CASK: variants seen among roughly 807,000 people sequenced by gnomAD.
CASK encodes calcium/calmodulin dependent serine protein kinase.
A neutral mutation model predicts 82.9 loss-of-function variants in CASK; 4 were observed. That is an observed-to-expected ratio of 0.05 (90% CI 0.02 to 0.11). The LOEUF (loss-of-function observed/expected upper bound fraction) is 0.11, where lower values mean the gene tolerates loss of function less well. Ranked by LOEUF, CASK falls within the 10% of genes least tolerant of loss-of-function variation. The pLI, the probability that CASK is intolerant of heterozygous loss-of-function variation, is 1.00. For missense variants in CASK, 358 were observed against 720.9 expected (o/e 0.50, Z 5.76); for synonymous variants, 259 against 253.5 (o/e 1.02, Z -0.20).
At chrX:41,606,844 C>T (rs1377400469) in intron 12 of CASK, among the ~76,000 whole-genome samples, 1 of 110,280 alleles carries the variant, frequency 9.1e-6, no homozygotes, top group Non-Finnish European at 1.9e-5. Context: ...AGGCATACAC[C>T]ACCATGCCCA....
chrX:41,620,390 C>T (rs2147314722), intron 11 of CASK, among the ~76,000 whole-genome samples: 1 of 111,928 alleles, frequency 8.9e-6, no homozygotes, highest in Admixed American at 9.5e-5. Flanking sequence ...CATCACTGAG[C>T]AAATCTAGAA....
intron 12 of CASK, among the ~76,000 whole-genome samples, chrX:41,607,586 A>G (rs2065979973): frequency 8.9e-6 from 1 of 112,365 alleles, no homozygotes; most frequent in African/African-American, 3.2e-5. Flanking sequence ...GATACTACTT[A>G]AGATAAATTA....
chrX:41,565,776 CA>C (rs1486513904), intron 16 of CASK, among the ~76,000 whole-genome samples: 2 of 111,278 alleles, frequency 1.8e-5, no homozygotes, highest in East Asian at 5.6e-4. Context: ...GGCAGAGACA[CA>C]ACAAAAAAAC....
intron 1 of CASK, among the ~76,000 whole-genome samples, chrX:41,903,920 T>C (rs1569480413): frequency 8.9e-6 from 1 of 112,191 alleles, no homozygotes; most frequent in Non-Finnish European, 1.9e-5. Flanking sequence ...TTTTTAAGTA[T>C]ACAATCTGGT....
intron 1 of CASK, among the ~76,000 whole-genome samples, chrX:41,908,910 T>C (rs1179127401): frequency 8.9e-6 from 1 of 112,085 alleles, no homozygotes; most frequent in Non-Finnish European, 1.9e-5. Context: ...CTCTGCCCCA[T>C]AGCATAAAAG....
intron 9 of CASK, among the ~76,000 whole-genome samples, chrX:41,627,010 T>A (rs2066389619): frequency 2.7e-5 from 3 of 112,059 alleles, no homozygotes; most frequent in Non-Finnish European, 5.6e-5. Context: ...GGGTGTTTAG[T>A]GGAATGAAAA....
chrX:41,790,674 A>G (rs1257284124), intron 2 of CASK, among the ~76,000 whole-genome samples: 1 of 112,138 alleles, frequency 8.9e-6, no homozygotes, highest in Non-Finnish European at 1.9e-5. Flanking sequence ...GAAACTAGCA[A>G]CATAAAAATA....
intron 2 of CASK, among the ~76,000 whole-genome samples, chrX:41,835,065 A>G (rs2070903261): frequency 8.9e-6 from 1 of 112,233 alleles, no homozygotes; most frequent in East Asian, 2.8e-4. Context: ...ACAGCTTCCT[A>G]AGGAATTCTC....
intron 1 of CASK, among the ~76,000 whole-genome samples, chrX:41,861,137 C>A (rs2071468231): frequency 8.9e-6 from 1 of 111,974 alleles, no homozygotes; most frequent in African/African-American, 3.2e-5. Context: ...CTGAGTCTAA[C>A]TATAATACAC....
intron 1 of CASK, among the ~76,000 whole-genome samples, chrX:41,865,284 C>G (rs897249780): frequency 1.8e-5 from 2 of 111,840 alleles, no homozygotes; most frequent in Admixed American, 9.5e-5. Context: ...ACTGAGCTTT[C>G]TAATCTCTCC....
Position 41,541,486 on chromosome X carries a change from G to A in CASK, c.2155+1205C>T, listed in dbSNP as rs149098800. ...AAAGCCATTATGAAACTACTGCTCT[G>A]TAGTAGTACATAACCAGAAATTACA... On this transcript the variant is annotated intron_variant, in intron 22 of 26. Coordinates refer to ENST00000378163, the MANE Select transcript of CASK (RefSeq NM_001367721.1). 4.5e-3 allele frequency among the ~76,000 whole-genome samples: 507 copies of A among 112,444 alleles called. 4 individuals are homozygous for A. Among genetic ancestry groups the A allele is most frequent in the African/African-American group, 0.016 (486 of 30,963 alleles).
chrX:41,909,793 G>C lies in CASK; in HGVS notation c.59+13137C>G, dbSNP rs755091740. ...CTAATTTTATGACATTTTTAGTAGA[G>C]ACGAGGTTTCACCATGTTGCCTGGG... On this transcript the variant is annotated intron_variant, in intron 1 of 26. Transcript: ENST00000378163. Among the ~76,000 whole-genome samples, 3 of 111,648 alleles carry C rather than the reference G, an allele frequency of 2.7e-5. No individual in the cohort carries two copies. The East Asian group carries it at 8.6e-4, about 32-fold the overall frequency.
intron 5 of CASK, among the ~76,000 whole-genome samples, chrX:41,694,961 G>A (rs1379522381): frequency 8.9e-6 from 1 of 111,954 alleles, no homozygotes; most frequent in East Asian, 2.8e-4. Context: ...TTCTGAAGCT[G>A]GGCAGGGCCA....
chrX:41,566,450 TAGAG>T (rs771618705), intron 16 of CASK, among the ~76,000 whole-genome samples: 3 of 109,803 alleles, frequency 2.7e-5, no homozygotes, highest in Non-Finnish European at 3.8e-5. Context: ...AACAGACAAA[TAGAG>T]AGCCAAATCA....
chrX:41,611,846 G>A (rs2066059486), intron 11 of CASK, among the ~76,000 whole-genome samples: 1 of 110,703 alleles, frequency 9.0e-6, no homozygotes. Flanking sequence ...TTGCAGGCGC[G>A]CGCCGCCACG....
intron 2 of CASK, among the ~76,000 whole-genome samples, chrX:41,812,129 G>A (rs200470290): frequency 7.2e-5 from 8 of 111,708 alleles, no homozygotes; most frequent in South Asian, 7.5e-4. Context: ...TCCAGGACCC[G>A]ACAGATTCAC....
At chrX:41,720,619 T>A in intron 5 of CASK, among the ~76,000 whole-genome samples, 1 of 112,077 alleles carries the variant, frequency 8.9e-6, no homozygotes, top group Non-Finnish European at 1.9e-5. Context: ...GCAGCCAGTT[T>A]AAACACTAGT....
At chrX:41,684,782 G>A (rs1236783519) in intron 5 of CASK, among the ~76,000 whole-genome samples, 2 of 111,976 alleles carry the variant, frequency 1.8e-5, no homozygotes, top group African/African-American at 6.5e-5. Flanking sequence ...ACAGGTGTGA[G>A]CCACTGTGCC....
intron 8 of CASK, among the ~76,000 whole-genome samples, chrX:41,654,189 A>G (rs1247416885): frequency 1.8e-5 from 2 of 112,232 alleles, no homozygotes; most frequent in Non-Finnish European, 3.8e-5. Context: ...CGTAATTAAC[A>G]AAAGACTGGG....
Sources: allele counts gnomAD v4.1 joint callset (sites outside exome capture counted in the v4.1 genomes callset), GRCh38; gene constraint gnomAD v4.1.1; transcripts MANE v1.5; gene names NCBI Gene and HGNC (gene_info 2026-07-23, HGNC 2026-07-21).